Variants in OCIAD1 observed in about 807,000 individuals in gnomAD.
OCIAD1 encodes OCIA domain-containing protein 1.
OCIAD1 carries 29 observed loss-of-function variants against 38.9 expected under a neutral mutation model. That is an observed-to-expected ratio of 0.74 (90% CI 0.55 to 1.02). OCIAD1 has a LOEUF of 1.02. OCIAD1 is among the 50% of genes least tolerant of loss of function. The probability of loss-of-function intolerance (pLI) is 0.00; values close to 1 mark genes in which losing one functional copy is unlikely to be tolerated. For missense variants in OCIAD1, 288 were observed against 289.6 expected (o/e 0.99, Z 0.04); for synonymous variants, 110 against 92.0 (o/e 1.20, Z -1.12).
At chr4:48,837,953 G>C (rs569402264) in intron 3 of OCIAD1, among the ~76,000 whole-genome samples, 4 of 152,132 alleles carry the variant, frequency 2.6e-5, no homozygotes, top group Non-Finnish European at 5.9e-5. Flanking sequence ...TTAATAGTGG[G>C]ACATGTGGTA....
intron 1 of OCIAD1, among the ~76,000 whole-genome samples, chr4:48,805,791 T>A (rs931754376): frequency 6.6e-5 from 10 of 152,234 alleles, no homozygotes; most frequent in African/African-American, 2.2e-4. Flanking sequence ...AATTTTTTAA[T>A]GCTGAGCAAT....
chr4:48,816,884 C>T (rs181457623), intron 1 of OCIAD1, among the ~76,000 whole-genome samples: 313 of 152,178 alleles, frequency 2.1e-3, no homozygotes, highest in Non-Finnish European at 2.1e-3. Context: ...AGAAGAGAAT[C>T]GCTTGAATCT....
upstream of OCIAD1, among the ~76,000 whole-genome samples, chr4:48,827,509 C>T (rs1330205403): frequency 2.0e-5 from 3 of 152,184 alleles, no homozygotes; most frequent in Non-Finnish European, 2.9e-5. Context: ...ATCGACTTCC[C>T]GCAAGTCTTT....
chr4:48,808,394 T>G (rs1017175375), intron 1 of OCIAD1, among the ~76,000 whole-genome samples: 1 of 151,868 alleles, frequency 6.6e-6, no homozygotes, highest in Non-Finnish European at 1.5e-5. Flanking sequence ...TACCTGAGCC[T>G]GAGAGTCTGA....
intron 3 of OCIAD1, among the ~76,000 whole-genome samples, chr4:48,842,316 C>T (rs1448542397): frequency 2.6e-5 from 4 of 152,188 alleles, no homozygotes; most frequent in African/African-American, 9.6e-5. Flanking sequence ...TCTCTTACTT[C>T]AGAAGTAATT....
At chr4:48,808,952 C>A (rs1013910900) in intron 1 of OCIAD1, among the ~76,000 whole-genome samples, 1 of 152,134 alleles carries the variant, frequency 6.6e-6, no homozygotes. Context: ...CTTTAACAAC[C>A]CTCCTTAGTT....
chr4:48,851,586 G>A (rs1376395638), intron 6 of OCIAD1, among the ~76,000 whole-genome samples: 2 of 152,028 alleles, frequency 1.3e-5, no homozygotes, highest in Non-Finnish European at 2.9e-5. Flanking sequence ...AGGGGTAGGA[G>A]GATTGCTTGA....
upstream of OCIAD1, among the ~76,000 whole-genome samples, chr4:48,829,208 C>T (rs1328090945): frequency 3.3e-5 from 5 of 151,656 alleles, no homozygotes; most frequent in East Asian, 5.8e-4. Flanking sequence ...TGCAGTGAGC[C>T]GAGATGGCAC....
chr4:48,831,097 T>C lies in OCIAD1; in HGVS notation c.-158T>C. 2.7e-5 allele frequency: 7 copies of C among 258,524 alleles called. No homozygotes were observed. The South Asian group carries it at 2.7e-4, about 10-fold the overall frequency. The allele number at this position is 258,524 out of a possible 1,614,324, so 16.0% of individuals were successfully genotyped here. ...GGGTCGCGGTCATTTTGAGCCCCTGTCTGGATGACTTCTTGCGGCTGTTCT... is the reference window on the plus strand; with the variant it reads ...GGGTCGCGGTCATTTTGAGCCCCTGCCTGGATGACTTCTTGCGGCTGTTCT... On this transcript the variant is annotated 5_prime_UTR_variant, in exon 1 of 9. Coordinates refer to ENST00000264312, the MANE Select transcript of OCIAD1 (RefSeq NM_017830.4).
At chr4:48,845,678 C>T (rs1279237659) in intron 4 of OCIAD1, among the ~76,000 whole-genome samples, 1 of 152,144 alleles carries the variant, frequency 6.6e-6, no homozygotes, top group African/African-American at 2.4e-5. Context: ...CTATAGGCTC[C>T]TCAAACAGAA....
chr4:48,857,101 C>A (rs1339650183), intron 7 of OCIAD1, 112 bp from the exon 8 acceptor site: 1 of 518,862 alleles, frequency 1.9e-6, no homozygotes, highest in Non-Finnish European at 3.2e-6. Flanking sequence ...TAATTTGATT[C>A]TTTATTCTAT....
At chr4:48,807,415 A>G (rs1777040474) in intron 1 of OCIAD1, among the ~76,000 whole-genome samples, 1 of 152,178 alleles carries the variant, frequency 6.6e-6, no homozygotes, top group Admixed American at 6.5e-5. Context: ...GAACTTCAGT[A>G]AATTACATGC....
At chr4:48,809,581 T>C (rs1777064939) in intron 1 of OCIAD1, among the ~76,000 whole-genome samples, 1 of 152,142 alleles carries the variant, frequency 6.6e-6, no homozygotes, top group East Asian at 1.9e-4. Context: ...AAATCCTAAC[T>C]ATGACATTTG....
chr4:48,810,560 G>C (rs1339276556), intron 1 of OCIAD1, among the ~76,000 whole-genome samples: 3 of 150,592 alleles, frequency 2.0e-5, no homozygotes, highest in Non-Finnish European at 2.9e-5. Context: ...TCTCTTATCT[G>C]TCCCTGGCAT....
At chr4:48,811,694 A>G (rs1238821961) in intron 1 of OCIAD1, among the ~76,000 whole-genome samples, 1 of 152,182 alleles carries the variant, frequency 6.6e-6, no homozygotes, top group Non-Finnish European at 1.5e-5. Flanking sequence ...CAGATTATGG[A>G]TATACTTTGA....
At chr4:48,848,111 T>C (rs1382744001) in intron 4 of OCIAD1, among the ~76,000 whole-genome samples, 2 of 152,104 alleles carry the variant, frequency 1.3e-5, no homozygotes, top group African/African-American at 2.4e-5. Context: ...TTTTTGTTTG[T>C]TGTTGGTATA....
intron 8 of OCIAD1, among the ~76,000 whole-genome samples, chr4:48,859,658 G>T (rs1308088105): frequency 1.3e-5 from 2 of 151,974 alleles, no homozygotes; most frequent in Non-Finnish European, 2.9e-5. Context: ...TTTTTTGTGT[G>T]CTTTATATAA....
Position 48,831,105 on chromosome 4 carries a change from ACTT to A in OCIAD1, c.-146_-144del, listed in dbSNP as rs1022937767. ...GTCATTTTGAGCCCCTGTCTGGATG[ACTT>A]CTTGCGGCTGTTCTACCCCTCCCCC... On this transcript the variant is annotated 5_prime_UTR_variant, in exon 1 of 9. Coordinates refer to ENST00000264312, the MANE Select transcript of OCIAD1 (RefSeq NM_017830.4). 3.0e-4 allele frequency: 79 copies of A among 259,898 alleles called. No individual in the cohort carries two copies. Among genetic ancestry groups the A allele is most frequent in the African/African-American group, 1.7e-3 (76 of 44,848 alleles). 16.1% of individuals were successfully genotyped at this position (259,898 alleles called of 1,614,324 possible).
At chr4:48,835,172 G>A (rs533925749) in intron 3 of OCIAD1, among the ~76,000 whole-genome samples, 57 of 152,176 alleles carry the variant, frequency 3.7e-4, no homozygotes, top group Non-Finnish European at 6.9e-4. Flanking sequence ...GACCTCAGTT[G>A]ATTCACCTGC....
Sources: allele counts gnomAD v4.1 joint callset (sites outside exome capture counted in the v4.1 genomes callset), GRCh38; gene constraint gnomAD v4.1.1; transcripts MANE v1.5; gene names NCBI Gene and HGNC (gene_info 2026-07-23, HGNC 2026-07-21).